ZBTB7C: variants seen among roughly 807,000 people sequenced by gnomAD.
The protein encoded by ZBTB7C is zinc finger and BTB domain containing 7C.
In ZBTB7C, 8 loss-of-function variants were observed where a neutral mutation model predicts 25.7. The ratio of observed to expected loss-of-function variants is 0.31; its 90% confidence interval spans 0.18 to 0.56. ZBTB7C has a LOEUF of 0.56. Ranked by LOEUF, ZBTB7C falls within the 20% of genes least tolerant of loss-of-function variation. The probability of loss-of-function intolerance (pLI) is 0.91; values close to 1 mark genes in which losing one functional copy is unlikely to be tolerated. For missense variants in ZBTB7C, 824 were observed against 855.2 expected (o/e 0.96, Z 0.46); for synonymous variants, 394 against 369.0 (o/e 1.07, Z -0.78).
chr18:48,239,391 C>T (rs1344884281), intron 2 of ZBTB7C, among the ~76,000 whole-genome samples: 1 of 152,216 alleles, frequency 6.6e-6, no homozygotes, highest in African/African-American at 2.4e-5. Context: ...GGCCAACCAA[C>T]TGCTAGCACA....
intron 1 of ZBTB7C, among the ~76,000 whole-genome samples, chr18:48,347,096 T>C (rs2046749956): frequency 6.6e-6 from 1 of 151,440 alleles, no homozygotes; most frequent in Non-Finnish European, 1.5e-5. Flanking sequence ...ATCACCCTTT[T>C]CTATAGAGTG....
chr18:48,248,074 G>A (rs1265742429), intron 2 of ZBTB7C, among the ~76,000 whole-genome samples: 1 of 152,192 alleles, frequency 6.6e-6, no homozygotes, highest in Non-Finnish European at 1.5e-5. Flanking sequence ...CTGCCACCAT[G>A]TAAGACGTTG....
At chr18:48,037,844 C>T (rs1268380834) in intron 4 of ZBTB7C, among the ~76,000 whole-genome samples, 1 of 152,220 alleles carries the variant, frequency 6.6e-6, no homozygotes, top group Non-Finnish European at 1.5e-5. Context: ...GCTGGCTTTC[C>T]TGATCTGGCC....
intron 1 of ZBTB7C, among the ~76,000 whole-genome samples, chr18:48,403,968 A>G (rs1191500982): frequency 1.3e-5 from 2 of 152,190 alleles, no homozygotes; most frequent in Non-Finnish European, 2.9e-5. Flanking sequence ...AAAAAAAAAG[A>G]TTGGCGAGGC....
At chr18:48,304,590 G>A (rs953339222) in intron 2 of ZBTB7C, among the ~76,000 whole-genome samples, 2 of 152,132 alleles carry the variant, frequency 1.3e-5, no homozygotes, top group Admixed American at 6.5e-5. Context: ...CAGGAGAATC[G>A]CTTGAACCCG....
intron 3 of ZBTB7C, among the ~76,000 whole-genome samples, chr18:48,071,539 G>A (rs2037541593): frequency 6.6e-6 from 1 of 152,190 alleles, no homozygotes; most frequent in South Asian, 2.1e-4. Flanking sequence ...TGCCTGACTG[G>A]TAGGAATATA....
At chr18:48,409,605 T>A (rs918848294), upstream of ZBTB7C, among the ~76,000 whole-genome samples, 1 of 150,386 alleles carries the variant, frequency 6.6e-6, no homozygotes, top group Non-Finnish European at 1.5e-5. Flanking sequence ...GCACATGCAC[T>A]TGCTGCGCCG....
intron 3 of ZBTB7C, among the ~76,000 whole-genome samples, chr18:48,043,790 A>G (rs945886971): frequency 1.3e-5 from 2 of 152,228 alleles, no homozygotes; most frequent in Admixed American, 6.5e-5. Flanking sequence ...AGCTGAAACG[A>G]TAAGTATCTC....
intron 2 of ZBTB7C, among the ~76,000 whole-genome samples, chr18:48,313,568 G>A (rs1212400017): frequency 6.6e-6 from 1 of 152,198 alleles, no homozygotes; most frequent in East Asian, 1.9e-4. Context: ...TTGTTAAGAG[G>A]TCATTAGCAC....
At chr18:48,144,419 T>C (rs186230524) in intron 3 of ZBTB7C, among the ~76,000 whole-genome samples, 6 of 152,226 alleles carry the variant, frequency 3.9e-5, no homozygotes, top group Non-Finnish European at 7.4e-5. Flanking sequence ...ACAGGGCTCA[T>C]TGCAGCCTCA....
At position 48,389,182 on chromosome 18, in the gene ZBTB7C, C is replaced by T. The variant is rs182970369; in HGVS notation, c.-304+20044G>A. Among the ~76,000 whole-genome samples, 4 of 135,590 alleles carry T rather than the reference C, an allele frequency of 3.0e-5. No individual in the cohort carries two copies. The Admixed American group carries it at 3.1e-4, about 10-fold the overall frequency. The allele number at this position is 135,590 out of a possible 152,430, so 89.0% of individuals were successfully genotyped here. A position where few individuals can be genotyped will look rare whatever the true frequency, so the allele number is the denominator to read the frequency against. On this transcript the variant is annotated intron_variant, in intron 1 of 4. Transcript: ENST00000590800. ...TTTATTCATGGAGTGATGTTCAGAG[C>T]CCTTTAACTCTCTCTCTCTCTCTCT...
chr18:48,075,266 C>T (rs141501049), intron 3 of ZBTB7C, among the ~76,000 whole-genome samples: 79 of 152,312 alleles, frequency 5.2e-4, no homozygotes, highest in African/African-American at 1.5e-3. Context: ...TCATTTCTCC[C>T]CTCCCAAATG....
chr18:48,243,130 C>T (rs1465769753), intron 2 of ZBTB7C, among the ~76,000 whole-genome samples: 2 of 151,868 alleles, frequency 1.3e-5, no homozygotes, highest in African/African-American at 2.4e-5. Flanking sequence ...TGGGCATGGT[C>T]GTACACGCCT....
At chr18:48,036,840 G>T (rs1458588005) in intron 4 of ZBTB7C, among the ~76,000 whole-genome samples, 1 of 152,188 alleles carries the variant, frequency 6.6e-6, no homozygotes, top group African/African-American at 2.4e-5. Flanking sequence ...GGTCCCCGTG[G>T]AAAGGCTGCA....
At chr18:48,395,540 G>C (rs1457060442) in intron 1 of ZBTB7C, among the ~76,000 whole-genome samples, 1 of 151,920 alleles carries the variant, frequency 6.6e-6, no homozygotes, top group African/African-American at 2.4e-5. Flanking sequence ...CTGTGTACTT[G>C]TGTTCTATGC....
chr18:48,093,277 C>T (rs1434649438), intron 3 of ZBTB7C, among the ~76,000 whole-genome samples: 1 of 152,214 alleles, frequency 6.6e-6, no homozygotes, highest in Non-Finnish European at 1.5e-5. Context: ...TCCTGACCTC[C>T]TGCCTCAAGC....
intron 2 of ZBTB7C, among the ~76,000 whole-genome samples, chr18:48,195,349 T>C (rs2042293297): frequency 6.6e-6 from 1 of 152,206 alleles, no homozygotes; most frequent in South Asian, 2.1e-4. Context: ...TGGGAGGTAA[T>C]TGAATCATGG....
At chr18:48,185,904 C>G (rs1193628164) in intron 3 of ZBTB7C, 30 bp downstream of exon 3, 1 of 152,210 alleles carries the variant, frequency 6.6e-6, no homozygotes, top group Non-Finnish European at 1.5e-5. Flanking sequence ...TGTTAAGCCA[C>G]AGAACTAAAA....
At chr18:48,077,425 C>T (rs766622226) in intron 3 of ZBTB7C, among the ~76,000 whole-genome samples, 7 of 152,188 alleles carry the variant, frequency 4.6e-5, no homozygotes, top group South Asian at 2.1e-4. Flanking sequence ...CCCCAAACTC[C>T]GTCATTGAGA....
Sources: allele counts gnomAD v4.1 joint callset (sites outside exome capture counted in the v4.1 genomes callset), GRCh38; gene constraint gnomAD v4.1.1; transcripts MANE v1.5; gene names NCBI Gene and HGNC (gene_info 2026-07-23, HGNC 2026-07-21).